Variants in MMP16 observed in about 807,000 individuals in gnomAD.
MMP16 encodes the protein matrix metallopeptidase 16, also known as matrix metalloproteinase-16.
A neutral mutation model predicts 67.8 loss-of-function variants in MMP16; 12 were observed. The ratio of observed to expected loss-of-function variants is 0.18; its 90% CI spans 0.11 to 0.29. MMP16 has a LOEUF of 0.29. Among genes scored for constraint, MMP16 ranks in the 10% least tolerant of loss-of-function variants. The probability of loss-of-function intolerance (pLI) is 1.00; values close to 1 mark genes in which losing one functional copy is unlikely to be tolerated. For synonymous variants in MMP16, 249 were observed against 255.9 expected (o/e 0.97, Z 0.26); for missense variants, 475 against 765.7 (o/e 0.62, Z 4.48).
Position 88,038,470 on chromosome 8 carries a change from G to A in MMP16, c.*2991C>T, listed in dbSNP as rs2118176943. ...GACGAATCAGGATATTGTGATGAAT[G>A]AGTAAAGAGGCAACAGATTGCTTAT... On this transcript the variant is annotated 3_prime_UTR_variant, in exon 10 of 10. Transcript: ENST00000286614. The surrounding 1 kb of genome is among the most constrained non-coding windows in gnomAD (Gnocchi z 4.1). The A allele has an allele frequency of 6.6e-6, 1 of 152,518 alleles. No individual in the cohort carries two copies. Among genetic ancestry groups the A allele is most frequent in the East Asian group, 1.9e-4 (1 of 5,174 alleles). The allele number at this position is 152,518 out of a possible 1,614,324, so 9.4% of individuals were successfully genotyped here. A position where few individuals can be genotyped will look rare whatever the true frequency, so the allele number is the denominator to read the frequency against.
chr8:88,319,172 A>G (rs533148144), intron 1 of MMP16, among the ~76,000 whole-genome samples: 5 of 152,284 alleles, frequency 3.3e-5, no homozygotes, highest in African/African-American at 4.8e-5. Context: ...AATGAGTTAT[A>G]TGAGTAGCAC....
chr8:88,202,604 T>A (rs911491676), intron 1 of MMP16, among the ~76,000 whole-genome samples: 2 of 152,034 alleles, frequency 1.3e-5, no homozygotes, highest in African/African-American at 4.8e-5. Flanking sequence ...GTTGTTTAGA[T>A]TTTTTAAAGA....
chr8:88,081,099 G>A (rs978987264), intron 6 of MMP16, among the ~76,000 whole-genome samples: 7 of 152,042 alleles, frequency 4.6e-5, no homozygotes, highest in African/African-American at 1.7e-4. Flanking sequence ...AGGCAGCAGT[G>A]AACAGGTAGC....
chr8:88,189,113 A>G (rs893653830), intron 2 of MMP16, among the ~76,000 whole-genome samples: 1 of 152,160 alleles, frequency 6.6e-6, no homozygotes, highest in African/African-American at 2.4e-5. Context: ...TGATTTATTC[A>G]TCATATAGTA....
At chr8:88,286,848 G>T (rs1009249412) in intron 1 of MMP16, among the ~76,000 whole-genome samples, 1 of 152,142 alleles carries the variant, frequency 6.6e-6, no homozygotes, top group Non-Finnish European at 1.5e-5. Flanking sequence ...TGGGATTACA[G>T]GCATGAGCCA....
At chr8:88,106,049 A>ATG (rs1337502556) in intron 6 of MMP16, among the ~76,000 whole-genome samples, 50 of 24,634 alleles carry the variant, frequency 2.0e-3, no homozygotes, top group African/African-American at 4.3e-3. Context: ...TTTACACGTT[A>ATG]TGTATATATA....
intron 7 of MMP16, among the ~76,000 whole-genome samples, chr8:88,065,164 C>G (rs776097896): frequency 6.6e-6 from 1 of 152,142 alleles, no homozygotes; most frequent in Admixed American, 6.6e-5. Context: ...CCCCTTTAAT[C>G]TTTCACATAT....
At chr8:88,180,189 G>A (rs1229867323) in intron 3 of MMP16, among the ~76,000 whole-genome samples, 2 of 152,012 alleles carry the variant, frequency 1.3e-5, no homozygotes, top group Admixed American at 6.6e-5. Context: ...GCTGAGGCAG[G>A]AGAATCGCTT....
chr8:88,287,863 T>C (rs150184519), intron 1 of MMP16, among the ~76,000 whole-genome samples: 1 of 152,252 alleles, frequency 6.6e-6, no homozygotes, highest in African/African-American at 2.4e-5. Context: ...TAGCCTTCAT[T>C]TACAGACAAA....
intron 1 of MMP16, among the ~76,000 whole-genome samples, chr8:88,216,656 T>C (rs542650486): frequency 1.3e-5 from 2 of 152,160 alleles, no homozygotes; most frequent in Non-Finnish European, 2.9e-5. Flanking sequence ...TTTTGGAGAA[T>C]GTCTATCAAG....
intron 4 of MMP16, among the ~76,000 whole-genome samples, chr8:88,122,712 C>G (rs995788007): frequency 4.6e-5 from 7 of 151,540 alleles, no homozygotes; most frequent in Non-Finnish European, 7.4e-5. Flanking sequence ...AGTTGAGAAG[C>G]TAAAGAGATA....
chr8:88,236,951 T>C (rs2129888531), intron 1 of MMP16, among the ~76,000 whole-genome samples: 1 of 152,316 alleles, frequency 6.6e-6, no homozygotes, highest in Middle Eastern at 3.4e-3. Flanking sequence ...TAAAATCATA[T>C]GTCCATATAG....
At chr8:88,130,860 T>G (rs1269896687) in intron 4 of MMP16, among the ~76,000 whole-genome samples, 1 of 151,740 alleles carries the variant, frequency 6.6e-6, no homozygotes, top group African/African-American at 2.4e-5. Flanking sequence ...GAAATAAATT[T>G]GTATAATAAC....
chr8:88,294,623 T>C (rs1017536837), intron 1 of MMP16, among the ~76,000 whole-genome samples: 1 of 152,134 alleles, frequency 6.6e-6, no homozygotes, highest in Non-Finnish European at 1.5e-5. Flanking sequence ...TATAGACATA[T>C]ATAACATTAT....
At chr8:88,106,783 G>T (rs1586154719) in intron 6 of MMP16, among the ~76,000 whole-genome samples, 1 of 151,000 alleles carries the variant, frequency 6.6e-6, no homozygotes, top group Non-Finnish European at 1.5e-5. Flanking sequence ...TTTCAACTGG[G>T]TGTATTTTCT....
intron 6 of MMP16, among the ~76,000 whole-genome samples, chr8:88,101,372 A>G (rs1322916095): frequency 1.3e-5 from 2 of 151,958 alleles, no homozygotes; most frequent in African/African-American, 4.8e-5. Context: ...AAAAAGTTTC[A>G]GGAATCAATA....
At chr8:88,225,371 C>T (rs1809753072) in intron 1 of MMP16, among the ~76,000 whole-genome samples, 1 of 151,888 alleles carries the variant, frequency 6.6e-6, no homozygotes, top group Non-Finnish European at 1.5e-5. Flanking sequence ...ATCAGTTTAT[C>T]CGAATTAACT....
At chr8:88,309,881 TAAG>T (rs1364351357) in intron 1 of MMP16, among the ~76,000 whole-genome samples, 1 of 152,116 alleles carries the variant, frequency 6.6e-6, no homozygotes, top group Non-Finnish European at 1.5e-5. Flanking sequence ...AATTTTAATG[TAAG>T]TTACTTAAAA....
At chr8:88,125,143 C>A (rs1384362328) in intron 4 of MMP16, among the ~76,000 whole-genome samples, 1 of 150,360 alleles carries the variant, frequency 6.7e-6, no homozygotes, top group Non-Finnish European at 1.5e-5. Flanking sequence ...GAGCTTTTAT[C>A]ATTTTCATTG....
Sources: gnomAD v4.1 joint callset for allele counts (sites outside exome capture counted in the v4.1 genomes callset) on GRCh38, gnomAD v4.1.1 for gene constraint, Gnocchi (gnomAD v3.1) non-coding constraint, MANE v1.5 for transcripts, NCBI Gene and HGNC (gene_info 2026-07-23, HGNC 2026-07-21) for gene names.